Variants in SLC5A5 observed in about 807,000 individuals in gnomAD.
SLC5A5 encodes sodium/iodide cotransporter.
A neutral mutation model predicts 68.6 loss-of-function variants in SLC5A5; 56 were observed. That is an observed-to-expected ratio of 0.82 (90% CI 0.66 to 1.02). The LOEUF (loss-of-function observed/expected upper bound fraction) is 1.02, where lower values mean the gene tolerates loss of function less well. Ranked by LOEUF, SLC5A5 falls within the 50% of genes least tolerant of loss-of-function variation. SLC5A5 has a pLI of 0.00. For synonymous variants in SLC5A5, 398 were observed against 373.0 expected, an observed-to-expected ratio of 1.07 and a Z score of -0.77; for missense variants, 807 against 859.8, an observed-to-expected ratio of 0.94 and a Z score of 0.77.
At chr19:17,880,401 G>T (rs1488536464) in intron 7 of SLC5A5, among the ~76,000 whole-genome samples, 2 of 152,128 alleles carry the variant, frequency 1.3e-5, no homozygotes, top group Non-Finnish European at 2.9e-5. Context: ...TTTGGGTAGA[G>T]ATGAGGTTTC....
Position 17,891,017 on chromosome 19 carries a change from G to A in SLC5A5, c.1767+16G>A, listed in dbSNP as rs2030148126. The A allele has an allele frequency of 2.6e-6, 4 of 1,552,840 alleles. No individual in the cohort carries two copies. The highest frequency in any genetic ancestry group is 2.7e-6 in the Non-Finnish European group (3 of 1,124,302). On this transcript the variant is annotated intron_variant, in intron 14 of 14. Coordinates refer to ENST00000222248, the MANE Select transcript of SLC5A5 (RefSeq NM_000453.3). ...CTTGGTCAAGGTCAGTCTTAGGCTG[G>A]GTTCCCAGATCTAGAGGCAGCCAAG...
intron 14 of SLC5A5, among the ~76,000 whole-genome samples, chr19:17,892,691 AG>A (rs2030229508): frequency 6.7e-6 from 1 of 150,110 alleles, no homozygotes; most frequent in African/African-American, 2.5e-5. Flanking sequence ...AGAGAGAGAG[AG>A]AGAGAGCAAG....
chr19:17,875,618 A>C (rs7249523), intron 4 of SLC5A5, among the ~76,000 whole-genome samples: 2 of 146,218 alleles, frequency 1.4e-5, no homozygotes, highest in African/African-American at 5.1e-5. Context: ...TACAAAAAAA[A>C]TTTTTTTTAA....
chr19:17,890,061 C>CTTTGT (rs367989839), intron 13 of SLC5A5, among the ~76,000 whole-genome samples: 6,524 of 152,010 alleles, frequency 0.043, 183 homozygotes, highest in Non-Finnish European at 0.064. Context: ...CCATTAATGT[C>CTTTGT]TTTGTTTTGT....
intron 14 of SLC5A5, 104 bp from the exon 15 acceptor site, chr19:17,893,609 C>A: frequency 1.7e-6 from 2 of 1,164,856 alleles, no homozygotes; most frequent in East Asian, 2.5e-5. Flanking sequence ...CTGTGCACGC[C>A]CCGTCCCGCC....
In SLC5A5 at chr19:17,878,105, C is replaced by A. The variant is rs1203414194; in HGVS notation, c.969+12C>A. Reference sequence around the variant, plus strand: ...CTGCCCCAGACCAGGTGAGTCCCACCCAGGCTCCTGGTTGGCTCTGCACTC... The same window carrying A: ...CTGCCCCAGACCAGGTGAGTCCCACACAGGCTCCTGGTTGGCTCTGCACTC... On this transcript the variant is annotated intron_variant, in intron 7 of 14. Transcript: ENST00000222248. 3.7e-6 allele frequency: 6 copies of A among 1,609,396 alleles called. No individual in the cohort carries two copies. In the African/African-American group the frequency reaches 8.0e-5, roughly 21 times the overall value.
Position 17,874,379 on chromosome 19 carries a change from A to T in SLC5A5, c.424-115A>T, listed in dbSNP as rs2094301698. The T allele has an allele frequency of 5.7e-6, 6 of 1,060,110 alleles. No individual in the cohort carries two copies. In the South Asian group the frequency reaches 6.2e-5, roughly 11 times the overall value. 65.7% of individuals were successfully genotyped at this position (1,060,110 alleles called of 1,614,324 possible). A position where few individuals can be genotyped will look rare whatever the true frequency, so the allele number is the denominator to read the frequency against. On this transcript the variant is annotated intron_variant, in intron 2 of 14. Transcript: ENST00000222248. ...CGGCCTGACCCCGCCTGCACTCTGGAAGACCCGGCCTATCTGCCCCGCCCA... is the reference window on the plus strand; with the variant it reads ...CGGCCTGACCCCGCCTGCACTCTGGTAGACCCGGCCTATCTGCCCCGCCCA...
At chr19:17,878,164 C>T in intron 7 of SLC5A5, 71 bp downstream of exon 7, 2 of 1,539,864 alleles carry the variant, frequency 1.3e-6, no homozygotes, top group Non-Finnish European at 8.9e-7. Context: ...GGTCGAAGAG[C>T]ATTCCTAGCA....
chr19:17,877,937 T>G, intron 6 of SLC5A5, 27 bp from the exon 7 acceptor site: 1 of 1,613,750 alleles, frequency 6.2e-7, no homozygotes, highest in African/African-American at 1.3e-5. Flanking sequence ...GGCTATCCCC[T>G]AAGCCTGAGG....
At chr19:17,875,076 A>G (rs1006564153) in intron 4 of SLC5A5, among the ~76,000 whole-genome samples, 5 of 152,118 alleles carry the variant, frequency 3.3e-5, no homozygotes, top group African/African-American at 1.2e-4. Context: ...TAGTGATAAT[A>G]ATAGTAATGG....
At chr19:17,876,217 C>T in intron 5 of SLC5A5, 111 bp downstream of exon 5, 1 of 1,116,374 alleles carries the variant, frequency 9.0e-7, no homozygotes, top group Non-Finnish European at 1.3e-6. Context: ...ATCACTTGAG[C>T]TCAGGAGTTC....
At chr19:17,889,362 G>T (rs2030061188) in intron 13 of SLC5A5, among the ~76,000 whole-genome samples, 1 of 150,734 alleles carries the variant, frequency 6.6e-6, no homozygotes, top group Non-Finnish European at 1.5e-5. Flanking sequence ...TTGCGTCACT[G>T]CACTCCAGCC....
At chr19:17,872,766 A>G in intron 1 of SLC5A5, 90 bp downstream of exon 1, 7 of 842,610 alleles carry the variant, frequency 8.3e-6, no homozygotes, top group Non-Finnish European at 1.4e-5. Context: ...GGGCCGCTGT[A>G]CAGGAGGACG....
intron 12 of SLC5A5, among the ~76,000 whole-genome samples, chr19:17,887,648 A>G (rs1234656578): frequency 7.4e-6 from 1 of 135,812 alleles, no homozygotes; most frequent in Non-Finnish European, 1.5e-5. Context: ...CCCAGGCTGG[A>G]GTGCAATGGT....
At chr19:17,892,685 A>AGAGAGAGAGC (rs2030226292) in intron 14 of SLC5A5, among the ~76,000 whole-genome samples, 1 of 150,496 alleles carries the variant, frequency 6.6e-6, no homozygotes, top group Non-Finnish European at 1.5e-5. Flanking sequence ...AGAGAGAGAG[A>AGAGAGAGAGC]GAGAGAGAGA....
chr19:17,894,138 T>A lies in SLC5A5; in HGVS notation c.*261T>A. ...CCCCAAATAAGGCTGGGTTTTTCTC[T>A]CTCTCTTTTTTTTTTTTTTTTTTTT... On this transcript the variant is annotated 3_prime_UTR_variant, in exon 15 of 15. Transcript: ENST00000222248. The A allele has an allele frequency of 1.6e-5, 6 of 384,260 alleles. No individual in the cohort carries two copies. Among genetic ancestry groups the A allele is most frequent in the Non-Finnish European group, 2.8e-5 (6 of 213,780 alleles). 23.8% of individuals were successfully genotyped at this position (384,260 alleles called of 1,614,324 possible). A position where few individuals can be genotyped will look rare whatever the true frequency, so the allele number is the denominator to read the frequency against.
chr19:17,874,387 G>T, intron 2 of SLC5A5, 107 bp from the exon 3 acceptor site: 6 of 1,159,296 alleles, frequency 5.2e-6, no homozygotes, highest in Non-Finnish European at 7.7e-6. Context: ...GGAAGACCCG[G>T]CCTATCTGCC....
At position 17,880,865 on chromosome 19, in the gene SLC5A5, T is replaced by C. The variant is rs766687061; in HGVS notation, c.970T>C (p.Tyr324His). Residue 324 changes from tyrosine to histidine, a missense_variant and splice_region_variant, in exon 8 of 15, where the codon TAC becomes CAC. By Grantham distance (83) the Tyr-to-His change is moderately conservative. Transcript: ENST00000222248. ...LLGRISAPDQ[Y>H]MPLLVLDIFE... The stretch of plus-strand genomic sequence containing the variant: ...GAGGCTGACCCCCAGTTCTCCCCAG[T>C]ACATGCCTCTGCTGGTGCTGGACAT... 1.9e-6 allele frequency: 3 copies of C among 1,612,534 alleles called. No individual in the cohort carries two copies. Among genetic ancestry groups the C allele is most frequent in the Non-Finnish European group, 2.5e-6 (3 of 1,179,112 alleles).
intron 12 of SLC5A5, among the ~76,000 whole-genome samples, chr19:17,886,228 G>A (rs940695314): frequency 6.6e-6 from 1 of 150,856 alleles, no homozygotes; most frequent in African/African-American, 2.4e-5. Context: ...TTGTGAACAA[G>A]TTTTGGTATG....
Sources: gnomAD v4.1 joint callset for allele counts (sites outside exome capture counted in the v4.1 genomes callset) on GRCh38, gnomAD v4.1.1 for gene constraint, MANE v1.5 for transcripts, NCBI Gene and HGNC (gene_info 2026-07-23, HGNC 2026-07-21) for gene names.